The following SCN2A variants were observed in gnomAD, a reference collection of about 807,000 sequenced individuals.
The protein encoded by SCN2A is sodium channel protein type 2 subunit alpha.
A neutral mutation model predicts 188.7 loss-of-function variants in SCN2A; 20 were observed. The observed-to-expected ratio is 0.11, with a 90% CI of 0.07 to 0.15. The LOEUF is 0.15. Among genes scored for constraint, SCN2A ranks in the 10% least tolerant of loss-of-function variants. The pLI, the probability that SCN2A is intolerant of heterozygous loss-of-function variation, is 1.00. For missense variants in SCN2A, 1,278 were observed against 2,445.0 expected (o/e 0.52, Z 10.07); for synonymous variants, 804 against 833.1 (o/e 0.97, Z 0.60).
chr2:165,301,918 T>C (rs1315766361), intron 3 of SCN2A, among the ~76,000 whole-genome samples: 1 of 152,232 alleles, frequency 6.6e-6, no homozygotes, highest in African/African-American at 2.4e-5. Context: ...ACATTTTCTA[T>C]CAGTGGCAGA....
intron 16 of SCN2A, among the ~76,000 whole-genome samples, chr2:165,350,593 C>G (rs955559253): frequency 6.8e-6 from 1 of 148,000 alleles, no homozygotes; most frequent in African/African-American, 2.5e-5. Flanking sequence ...CTGCCTCAGC[C>G]TCCCAAGTAG....
At chr2:165,363,599 TATCTC>T (rs1392689459) in intron 17 of SCN2A, among the ~76,000 whole-genome samples, 2 of 152,150 alleles carry the variant, frequency 1.3e-5, no homozygotes, top group African/African-American at 2.4e-5. Context: ...TAGTTATACT[TATCTC>T]AGAAAGATTC....
chr2:165,382,752 T>C (rs1003088005), intron 25 of SCN2A, among the ~76,000 whole-genome samples: 10 of 152,138 alleles, frequency 6.6e-5, no homozygotes, highest in African/African-American at 2.4e-4. Context: ...AAAAATAGTG[T>C]TAGAGCCTAT....
chr2:165,301,512 C>G (rs1696806665), intron 3 of SCN2A, among the ~76,000 whole-genome samples: 1 of 152,156 alleles, frequency 6.6e-6, no homozygotes, highest in Admixed American at 6.5e-5. Context: ...GCTATATGAT[C>G]TTAGTCCAAG....
At chr2:165,301,915 C>G (rs558143136) in intron 3 of SCN2A, among the ~76,000 whole-genome samples, 1 of 152,314 alleles carries the variant, frequency 6.6e-6, no homozygotes, top group African/African-American at 2.4e-5. Context: ...GCTACATTTT[C>G]TATCAGTGGC....
chr2:165,338,918 G>A (rs1699157610), intron 14 of SCN2A, among the ~76,000 whole-genome samples: 1 of 152,024 alleles, frequency 6.6e-6, no homozygotes, highest in African/African-American at 2.4e-5. Flanking sequence ...TGTTAAGGAC[G>A]TTTCAGAAAA....
intron 20 of SCN2A, chr2:165,371,039 A>G (rs1160417109): frequency 6.6e-6 from 1 of 152,214 alleles, no homozygotes; most frequent in Admixed American, 6.5e-5. Flanking sequence ...CAAAACTATA[A>G]CCATTCTTTT....
Position 165,354,370 on chromosome 2 carries a change from A to G in SCN2A, c.3098A>G (p.Gln1033Arg), listed in dbSNP as rs1344041093. ...ATTCAGAAAGCCTTTGTTAGGAAGC[A>G]GAAAGCTTTAGATGAAATTAAACCG... The part of the protein sequence containing the change: ...EFIQKAFVRK[Q>R]KALDEIKPLE... The change falls in exon 17 of 27, where the codon CAG becomes CGG. Residue 1033 changes from glutamine to arginine, a missense_variant. Coordinates refer to ENST00000375437, the MANE Select transcript of SCN2A (RefSeq NM_001040142.2). 1.9e-6 allele frequency: 3 copies of G among 1,614,010 alleles called. No homozygotes were observed. The highest frequency in any genetic ancestry group is 1.1e-5 in the South Asian group (1 of 91,068).
At chr2:165,320,420 CTCTCT>C (rs1266515516) in intron 11 of SCN2A, 1 of 152,260 alleles carries the variant, frequency 6.6e-6, no homozygotes, top group African/African-American at 2.4e-5. Context: ...AGGACAGTGG[CTCTCT>C]TCTCACAGCT....
At chr2:165,340,604 A>G (rs1281260130) in intron 14 of SCN2A, among the ~76,000 whole-genome samples, 1 of 152,248 alleles carries the variant, frequency 6.6e-6, no homozygotes, top group East Asian at 1.9e-4. Context: ...ATGCTTGAAC[A>G]GAAAAATAGA....
chr2:165,309,045 AT>A, intron 5 of SCN2A: 1 of 1,203,922 alleles, frequency 8.3e-7, no homozygotes. Flanking sequence ...TGACAATGCC[AT>A]TTTCCTCTTA....
Position 165,311,671 on chromosome 2 carries a change from G to T in SCN2A, c.971-354G>T, listed in dbSNP as rs74555074. The stretch of plus-strand genomic sequence containing the variant: ...CATGAAAACACCTAGAAACAACAAG[G>T]CTTTCTTCTTTCTTACTTTTTGTGC... On this transcript the variant is annotated intron_variant, in intron 7 of 26. Transcript: ENST00000375437. 8.4e-3 allele frequency among the ~76,000 whole-genome samples: 1,284 copies of T among 152,052 alleles called. 19 individuals are homozygous for T. Among genetic ancestry groups the T allele is most frequent in the African/African-American group, 0.029 (1,215 of 41,500 alleles).
chr2:165,242,212 C>T (rs1168753371), intron 1 of SCN2A, among the ~76,000 whole-genome samples: 3 of 151,956 alleles, frequency 2.0e-5, no homozygotes, highest in African/African-American at 7.3e-5. Context: ...GATCTGCATG[C>T]AGTTGTGGGA....
At chr2:165,248,352 C>T (rs1307633695) in intron 1 of SCN2A, among the ~76,000 whole-genome samples, 1 of 152,046 alleles carries the variant, frequency 6.6e-6, no homozygotes, top group Admixed American at 6.6e-5. Context: ...GTTTTTCTTT[C>T]CCTCATTCAC....
intron 10 of SCN2A, among the ~76,000 whole-genome samples, chr2:165,314,596 A>G (rs954838281): frequency 1.3e-5 from 2 of 152,212 alleles, no homozygotes; most frequent in African/African-American, 2.4e-5. Context: ...TCTTTTATAT[A>G]AAGTGTACAA....
At chr2:165,283,160 CTT>C (rs1193440155) in intron 1 of SCN2A, among the ~76,000 whole-genome samples, 1 of 151,768 alleles carries the variant, frequency 6.6e-6, no homozygotes, top group Non-Finnish European at 1.5e-5. Flanking sequence ...ATACTTCTAA[CTT>C]AGGAAAAAAG....
At chr2:165,299,307 G>C (rs929902146) in intron 3 of SCN2A, among the ~76,000 whole-genome samples, 2 of 152,170 alleles carry the variant, frequency 1.3e-5, no homozygotes, top group African/African-American at 4.8e-5. Flanking sequence ...CTGGGGGAAA[G>C]AACTCACCCT....
intron 14 of SCN2A, among the ~76,000 whole-genome samples, chr2:165,336,205 T>C (rs1698981494): frequency 1.3e-5 from 2 of 151,942 alleles, no homozygotes; most frequent in Admixed American, 6.6e-5. Context: ...CCCAAAAAGT[T>C]TGGGGTAGAG....
intron 1 of SCN2A, chr2:165,294,040 A>ATATTTTTT: frequency 1.6e-6 from 1 of 629,760 alleles, no homozygotes; most frequent in Non-Finnish European, 1.9e-6. Flanking sequence ...AAAAAAAAAG[A>ATATTTTTT]TTTTTTTTTT....
Sources: gnomAD v4.1 joint callset for allele counts (sites outside exome capture counted in the v4.1 genomes callset) on GRCh38, gnomAD v4.1.1 for gene constraint, MANE v1.5 for transcripts, NCBI Gene and HGNC (gene_info 2026-07-23, HGNC 2026-07-21) for gene names.